MED14: variants seen among roughly 807,000 people sequenced by gnomAD.
MED14 encodes mediator of RNA polymerase II transcription subunit 14.
Under a neutral mutation model 109.0 loss-of-function variants are expected in MED14, and 8 were observed. That is an observed-to-expected ratio of 0.07 (90% CI 0.04 to 0.13). The LOEUF (loss-of-function observed/expected upper bound fraction) is 0.13, where lower values mean the gene tolerates loss of function less well. MED14 is among the 10% of genes least tolerant of loss of function. The pLI is 1.00. For missense variants in MED14, 711 were observed against 1,142.4 expected (o/e 0.62, Z 5.44); for synonymous variants, 399 against 408.7 (o/e 0.98, Z 0.29).
chrX:40,668,405 A>AT (rs56216067), intron 23 of MED14, among the ~76,000 whole-genome samples: 1 of 107,852 alleles, frequency 9.3e-6, no homozygotes, highest in Non-Finnish European at 1.9e-5. Context: ...AAAAAAAAAA[A>AT]TCAAAGAAAA....
chrX:40,670,626 T>C (rs897684787), intron 23 of MED14, among the ~76,000 whole-genome samples: 1 of 110,184 alleles, frequency 9.1e-6, no homozygotes, highest in Non-Finnish European at 1.9e-5. Context: ...CCGGGCGCGG[T>C]AGCGGGCGCC....
intron 15 of MED14, among the ~76,000 whole-genome samples, chrX:40,691,607 C>CTTTTTT (rs36144185): frequency 0.036 from 2,148 of 59,325 alleles, 166 homozygotes; most frequent in South Asian, 0.063. Flanking sequence ...TTCTTTTAAT[C>CTTTTTT]TTTTTTTTTT....
intron 16 of MED14, 51 bp from the exon 17 acceptor site, chrX:40,683,047 A>G: frequency 9.8e-7 from 1 of 1,020,434 alleles, no homozygotes; most frequent in East Asian, 3.0e-5. Context: ...ACAAAGCACA[A>G]TGTACACAAT....
At chrX:40,678,304 C>T (rs1477399910) in intron 21 of MED14, among the ~76,000 whole-genome samples, 2 of 99,823 alleles carry the variant, frequency 2.0e-5, no homozygotes, top group Admixed American at 1.1e-4. Context: ...TATGTTTGAA[C>T]ATACTAAAAG....
intron 21 of MED14, among the ~76,000 whole-genome samples, chrX:40,679,573 CT>C (rs1318305519): frequency 8.9e-6 from 1 of 112,110 alleles, no homozygotes; most frequent in Admixed American, 9.4e-5. Flanking sequence ...ATAAAAACTA[CT>C]TTTAAAGTTC....
At chrX:40,652,977 G>C (rs759379050) in intron 30 of MED14, among the ~76,000 whole-genome samples, 1 of 110,041 alleles carries the variant, frequency 9.1e-6, no homozygotes, top group Non-Finnish European at 1.9e-5. Context: ...CCCAGTCCAA[G>C]GGGGGAAAAA....
At position 40,680,703 on chromosome X, in the gene MED14, C is replaced by T. The variant is rs202032511; in HGVS notation, c.2610+55G>A. On this transcript the variant is annotated intron_variant, in intron 20 of 30. Coordinates refer to ENST00000324817, the MANE Select transcript of MED14 (RefSeq NM_004229.4). ...AAAGGGTTGGGATTACAGGTGTGAA[C>T]CAGCACGGCTGGCATACTAAGTCTT... 1.8e-4 allele frequency: 193 copies of T among 1,057,801 alleles called. No individual in the cohort carries two copies. In the East Asian group the frequency reaches 5.8e-3, roughly 32 times the overall value. 87.2% of individuals were successfully genotyped at this position (1,057,801 alleles called of 1,213,427 possible).
chrX:40,667,587 TG>T (rs1225462801), intron 23 of MED14, among the ~76,000 whole-genome samples: 1 of 111,792 alleles, frequency 8.9e-6, no homozygotes, highest in Non-Finnish European at 1.9e-5. Flanking sequence ...TGGGGACTTG[TG>T]GGCCACTCTA....
At chrX:40,697,559 TGTA>T (rs1244184813) in intron 12 of MED14, among the ~76,000 whole-genome samples, 1 of 112,155 alleles carries the variant, frequency 8.9e-6, no homozygotes, top group Non-Finnish European at 1.9e-5. Context: ...GTGTGAAGTG[TGTA>T]GTATACCTAG....
At chrX:40,661,954 C>A (rs1009566597) in intron 26 of MED14, among the ~76,000 whole-genome samples, 1 of 111,156 alleles carries the variant, frequency 9.0e-6, no homozygotes, top group Non-Finnish European at 1.9e-5. Flanking sequence ...ACCTCTGCCT[C>A]CCAGGTTCAA....
chrX:40,719,520 A>G (rs761995387), intron 3 of MED14, among the ~76,000 whole-genome samples: 1 of 105,874 alleles, frequency 9.4e-6, no homozygotes, highest in South Asian at 4.0e-4. Flanking sequence ...ATACTACACT[A>G]AAAAAAAAAA....
intron 16 of MED14, among the ~76,000 whole-genome samples, chrX:40,684,985 C>A (rs1031380340): frequency 9.0e-6 from 1 of 111,633 alleles, no homozygotes; most frequent in Non-Finnish European, 1.9e-5. Flanking sequence ...TTTTATCTTC[C>A]CAGCATGATC....
intron 16 of MED14, among the ~76,000 whole-genome samples, chrX:40,684,316 GAAGTCCCCT>G: frequency 8.9e-6 from 1 of 111,950 alleles, no homozygotes; most frequent in African/African-American, 3.3e-5. Flanking sequence ...GACATTGCCA[GAAGTCCCCT>G]GCAGGGCAAA....
chrX:40,701,841 C>G (rs948898002), intron 11 of MED14, among the ~76,000 whole-genome samples: 24 of 111,449 alleles, frequency 2.2e-4, no homozygotes, highest in African/African-American at 7.5e-4. Context: ...TAGAAAAGCA[C>G]TGCTATGGGG....
intron 30 of MED14, among the ~76,000 whole-genome samples, chrX:40,653,094 A>G (rs1292125269): frequency 8.9e-6 from 1 of 112,622 alleles, no homozygotes; most frequent in Non-Finnish European, 1.9e-5. Flanking sequence ...GCTTGATCCC[A>G]ATAGGATCAA....
intron 26 of MED14, among the ~76,000 whole-genome samples, chrX:40,660,886 G>A (rs1264078629): frequency 3.5e-5 from 4 of 113,064 alleles, no homozygotes; most frequent in African/African-American, 1.3e-4. Flanking sequence ...TAAACATGGA[G>A]TGAATATTTT....
chrX:40,732,289 C>T (rs1413848152), intron 1 of MED14, among the ~76,000 whole-genome samples: 4 of 112,337 alleles, frequency 3.6e-5, no homozygotes, highest in Non-Finnish European at 7.5e-5. Context: ...AAGGCCAAGG[C>T]GGGTAGATCA....
At chrX:40,736,085 A>G (rs1932262271), upstream of MED14, among the ~76,000 whole-genome samples, 2 of 111,731 alleles carry the variant, frequency 1.8e-5, no homozygotes, top group African/African-American at 6.5e-5. Flanking sequence ...GCCTCCTCTA[A>G]ATGTTCGTGA....
intron 3 of MED14, 105 bp from the exon 4 acceptor site, chrX:40,714,815 T>C: frequency 1.4e-6 from 1 of 731,460 alleles, no homozygotes; most frequent in Non-Finnish European, 1.9e-6. Context: ...GGAATTAGTA[T>C]CAGTTTTCCA....
Sources: gnomAD v4.1 joint callset for allele counts (sites outside exome capture counted in the v4.1 genomes callset) on GRCh38, gnomAD v4.1.1 for gene constraint, MANE v1.5 for transcripts, NCBI Gene and HGNC (gene_info 2026-07-23, HGNC 2026-07-21) for gene names.